CREBBP: variants seen among roughly 807,000 people sequenced by gnomAD.
CREBBP encodes the protein CREB-binding protein.
CREBBP carries 19 observed loss-of-function variants against 265.0 expected under a neutral mutation model. The ratio of observed to expected loss-of-function variants is 0.07; its 90% CI spans 0.05 to 0.11. The LOEUF (loss-of-function observed/expected upper bound fraction) is 0.11, where lower values mean the gene tolerates loss of function less well. CREBBP is among the 10% of genes least tolerant of loss of function. The probability of loss-of-function intolerance (pLI) is 1.00; values close to 1 mark genes in which losing one functional copy is unlikely to be tolerated. For missense variants in CREBBP, 2,525 were observed against 3,219.0 expected (o/e 0.78, Z 5.22); for synonymous variants, 1,457 against 1,223.7 (o/e 1.19, Z -3.98).
rs201101808 is a variant in CREBBP at position 3,729,056 on chromosome 16, G to A, written c.5991C>T (p.Pro1997=). 4.6e-5 allele frequency: 73 copies of A among 1,585,400 alleles called. No homozygotes were observed. In the African/African-American group the frequency reaches 5.0e-4, roughly 11 times the overall value. The change falls in exon 31 of 31, where the codon CCC becomes CCT. Residue 1997 remains proline (P), a synonymous_variant. Transcript: ENST00000262367. ...GMGTPGSQMA[P]VSLNVPRPNQ... ...TGGGTCGGGGCACATTCAGGCTCAC[G>A]GGGGCCATCTGGCTCCCCGGGGTCC...
intron 2 of CREBBP, among the ~76,000 whole-genome samples, chr16:3,840,126 T>C (rs1253336141): frequency 6.6e-6 from 1 of 152,264 alleles, no homozygotes; most frequent in Admixed American, 6.5e-5. Flanking sequence ...TGTTGTGATC[T>C]TTTAAGAGGC....
intron 2 of CREBBP, among the ~76,000 whole-genome samples, chr16:3,820,026 A>AT (rs2141376508): frequency 6.6e-6 from 1 of 152,340 alleles, no homozygotes; most frequent in African/African-American, 2.4e-5. Flanking sequence ...CCACAAATTC[A>AT]TATAAGGTGT....
At chr16:3,823,303 C>T (rs2054175642) in intron 2 of CREBBP, among the ~76,000 whole-genome samples, 1 of 152,214 alleles carries the variant, frequency 6.6e-6, no homozygotes, top group African/African-American at 2.4e-5. Flanking sequence ...CACAACTCTA[C>T]TTAAAACATT....
chr16:3,874,894 A>G (rs941526436), intron 1 of CREBBP, among the ~76,000 whole-genome samples: 2 of 152,200 alleles, frequency 1.3e-5, no homozygotes, highest in Non-Finnish European at 2.9e-5. Context: ...CAAAAACTAA[A>G]CTGACAAGCT....
intron 2 of CREBBP, among the ~76,000 whole-genome samples, chr16:3,846,777 C>G (rs1443050529): frequency 6.6e-6 from 1 of 152,150 alleles, no homozygotes; most frequent in Non-Finnish European, 1.5e-5. Flanking sequence ...TACCCACACC[C>G]CTCTCTCTAC....
chr16:3,746,503 C>A (rs1054408018), intron 21 of CREBBP, among the ~76,000 whole-genome samples: 1 of 152,220 alleles, frequency 6.6e-6, no homozygotes, highest in Non-Finnish European at 1.5e-5. Context: ...TCCACAAGCT[C>A]TGTCTTTGAC....
At chr16:3,793,745 C>T in intron 3 of CREBBP, 119 bp from the exon 4 acceptor site, 1 of 1,236,918 alleles carries the variant, frequency 8.1e-7, no homozygotes, top group African/African-American at 1.5e-5. Flanking sequence ...AGAGAGAAGG[C>T]TGGTGTAGTT....
At chr16:3,825,976 C>T (rs1366603582) in intron 2 of CREBBP, among the ~76,000 whole-genome samples, 1 of 152,212 alleles carries the variant, frequency 6.6e-6, no homozygotes, top group Non-Finnish European at 1.5e-5. Context: ...AATCCCAGCA[C>T]TTTGGGAGCC....
At chr16:3,842,967 C>CAAAAAAAAAAAAA (rs59990532) in intron 2 of CREBBP, among the ~76,000 whole-genome samples, 8 of 65,230 alleles carry the variant, frequency 1.2e-4, no homozygotes, top group African/African-American at 4.5e-4. Flanking sequence ...ACTCCCATCT[C>CAAAAAAAAAAAAA]AAAAAAAAAA....
At chr16:3,867,429 C>T (rs1297468738) in intron 1 of CREBBP, among the ~76,000 whole-genome samples, 1 of 152,012 alleles carries the variant, frequency 6.6e-6, no homozygotes, top group East Asian at 1.9e-4. Flanking sequence ...GAGTTTGAGG[C>T]TAGAGTGAGC....
At chr16:3,861,652 CAA>C (rs368654449) in intron 1 of CREBBP, among the ~76,000 whole-genome samples, 3,113 of 121,052 alleles carry the variant, frequency 0.026, 75 homozygotes, top group African/African-American at 0.062. Flanking sequence ...CTCTCTATAC[CAA>C]AAAAAAAAAA....
At chr16:3,837,611 C>T (rs988364719) in intron 2 of CREBBP, among the ~76,000 whole-genome samples, 1 of 148,426 alleles carries the variant, frequency 6.7e-6, no homozygotes, top group Non-Finnish European at 1.5e-5. Flanking sequence ...GCAAGACTGT[C>T]TCAAAAAAAA....
rs533689045 is a variant in CREBBP, at chr16:3,855,785, A to C, written c.86-4776T>G. Among the ~76,000 whole-genome samples the C allele has an allele frequency of 3.0e-4, 46 of 152,330 alleles. 1 individual carries two copies. Among genetic ancestry groups the C allele is most frequent in the African/African-American group, 1.1e-3 (46 of 41,576 alleles). The stretch of plus-strand genomic sequence containing the variant: ...TCCATAGTTTTTACGCTATTTTGCT[A>C]TCCTAAATTTGGAGATTCACTGAGG... On this transcript the variant is annotated intron_variant, in intron 1 of 30. Coordinates refer to ENST00000262367, the MANE Select transcript of CREBBP (RefSeq NM_004380.3).
intron 2 of CREBBP, among the ~76,000 whole-genome samples, chr16:3,847,647 G>C (rs559237568): frequency 5.9e-4 from 90 of 152,316 alleles, no homozygotes; most frequent in African/African-American, 2.0e-3. Flanking sequence ...TCTGTATAAA[G>C]GAACCCCAGG....
In CREBBP at chr16:3,727,814, C is replaced by T. The variant is rs1263966674; in HGVS notation, c.7233G>A (p.Gln2411=). The T allele has an allele frequency of 2.8e-5, 46 of 1,614,176 alleles. No homozygotes were observed. Among genetic ancestry groups the T allele is most frequent in the Non-Finnish European group, 3.8e-5 (45 of 1,180,038 alleles). ...GCGCACTCCTGCTGGGGGTGTTCAG[C>T]TGGGGGAGCATTGCACTCTGTTCGG... ...GNPEQSAMLP[Q]LNTPSRSALS... is the part of the protein sequence containing the mutation. The change falls in exon 31 of 31, where the codon CAG becomes CAA. Residue 2411 remains glutamine, a synonymous_variant. Transcript: ENST00000262367.
chr16:3,829,206 T>C (rs1276542887), intron 2 of CREBBP, among the ~76,000 whole-genome samples: 1 of 152,210 alleles, frequency 6.6e-6, no homozygotes, highest in Non-Finnish European at 1.5e-5. Context: ...AAGTTGGTCC[T>C]TGAAGTTATG....
At chr16:3,772,643 T>C (rs1265026056) in intron 13 of CREBBP, among the ~76,000 whole-genome samples, 1 of 152,120 alleles carries the variant, frequency 6.6e-6, no homozygotes, top group African/African-American at 2.4e-5. Flanking sequence ...AAATATTTAG[T>C]ATCTGGCCCT....
At chr16:3,818,230 G>C (rs1432054186) in intron 2 of CREBBP, among the ~76,000 whole-genome samples, 3 of 151,990 alleles carry the variant, frequency 2.0e-5, no homozygotes, top group African/African-American at 4.8e-5. Context: ...CGCAGAACTT[G>C]ACCTAGAGTC....
chr16:3,821,832 C>A (rs548765728), intron 2 of CREBBP, among the ~76,000 whole-genome samples: 24 of 152,300 alleles, frequency 1.6e-4, no homozygotes, highest in African/African-American at 5.5e-4. Context: ...GAGTTGGAGA[C>A]CCGCCTGGCC....
Sources: gnomAD v4.1 joint callset for allele counts (sites outside exome capture counted in the v4.1 genomes callset) on GRCh38, gnomAD v4.1.1 for gene constraint, MANE v1.5 for transcripts, NCBI Gene and HGNC (gene_info 2026-07-23, HGNC 2026-07-21) for gene names.